RBFOX1: variants seen among roughly 807,000 people sequenced by gnomAD.
RBFOX1 encodes RNA binding protein fox-1 homolog 1.
RBFOX1 carries 8 observed loss-of-function variants against 57.7 expected under a neutral mutation model. The observed-to-expected ratio is 0.14, with a 90% CI of 0.08 to 0.25. The LOEUF is 0.25. Among genes scored for constraint, RBFOX1 ranks in the 10% least tolerant of loss-of-function variants. RBFOX1 has a pLI of 1.00. For missense variants in RBFOX1, 611 were observed against 548.5 expected (o/e 1.11, Z -1.14); for synonymous variants, 326 against 222.4 (o/e 1.47, Z -4.15).
At chr16:6,680,749 C>T (rs1428469837) in intron 3 of RBFOX1, among the ~76,000 whole-genome samples, 1 of 152,068 alleles carries the variant, frequency 6.6e-6, no homozygotes, top group Non-Finnish European at 1.5e-5. Flanking sequence ...TGTGTTTTAT[C>T]TTTGTAAGGC....
intron 4 of RBFOX1, among the ~76,000 whole-genome samples, chr16:7,446,504 G>A (rs1219172429): frequency 6.6e-6 from 1 of 152,118 alleles, no homozygotes; most frequent in Admixed American, 6.5e-5. Flanking sequence ...TAATGAGGTT[G>A]GAAGAAGCAA....
intron 5 of RBFOX1, among the ~76,000 whole-genome samples, chr16:7,526,117 T>C (rs1344882973): frequency 6.6e-6 from 1 of 152,200 alleles, no homozygotes; most frequent in East Asian, 1.9e-4. Flanking sequence ...TATTGTGAAC[T>C]GTACATGCGA....
chr16:7,519,077 A>G (rs2076991497), intron 5 of RBFOX1, among the ~76,000 whole-genome samples: 1 of 152,236 alleles, frequency 6.6e-6, no homozygotes. Flanking sequence ...CCTTAAAATT[A>G]GTATATTTTT....
chr16:7,498,426 A>G (rs1254926524), intron 4 of RBFOX1, among the ~76,000 whole-genome samples: 2 of 149,294 alleles, frequency 1.3e-5, no homozygotes, highest in African/African-American at 2.5e-5. Context: ...ATGGTCACAA[A>G]TATGAATCAC....
chr16:6,632,191 A>G (rs539388871), intron 2 of RBFOX1, among the ~76,000 whole-genome samples: 6 of 152,246 alleles, frequency 3.9e-5, no homozygotes, highest in African/African-American at 9.6e-5. Flanking sequence ...ACTTAACTGC[A>G]TCGGGTTTCT....
At chr16:5,753,753 C>T (rs772675115) in intron 3 of RBFOX1, among the ~76,000 whole-genome samples, 1 of 152,162 alleles carries the variant, frequency 6.6e-6, no homozygotes, top group Non-Finnish European at 1.5e-5. Context: ...CACAGCACTG[C>T]TCTCCCTTGT....
intron 3 of RBFOX1, among the ~76,000 whole-genome samples, chr16:5,730,057 A>G (rs1567458931): frequency 6.6e-6 from 1 of 152,168 alleles, no homozygotes; most frequent in Non-Finnish European, 1.5e-5. Context: ...TGAGTATCAC[A>G]CAGTGCATCT....
chr16:7,140,449 G>A (rs1340981608), intron 4 of RBFOX1, among the ~76,000 whole-genome samples: 3 of 151,836 alleles, frequency 2.0e-5, no homozygotes, highest in African/African-American at 7.3e-5. Flanking sequence ...TCCCAAATAT[G>A]TAGTTTTGTA....
At chr16:6,589,338 G>A (rs114098255) in intron 2 of RBFOX1, among the ~76,000 whole-genome samples, 2,854 of 152,292 alleles carry the variant, frequency 0.019, 73 homozygotes, top group African/African-American at 0.055. Flanking sequence ...GGAGACCAGC[G>A]TGTTGTTATT....
intron 4 of RBFOX1, among the ~76,000 whole-genome samples, chr16:7,215,018 C>G (rs777262510): frequency 6.6e-5 from 10 of 152,180 alleles, no homozygotes; most frequent in Non-Finnish European, 1.0e-4. Flanking sequence ...TTAAGCCCCA[C>G]ATGCATTAGC....
chr16:7,398,059 C>T (rs191490222), intron 4 of RBFOX1, among the ~76,000 whole-genome samples: 59 of 152,102 alleles, frequency 3.9e-4, no homozygotes, highest in Middle Eastern at 3.4e-3. Context: ...GATTTAACCT[C>T]CCCCAGTTGC....
chr16:6,834,371 C>G (rs937956007), intron 3 of RBFOX1, among the ~76,000 whole-genome samples: 1 of 152,140 alleles, frequency 6.6e-6, no homozygotes, highest in Non-Finnish European at 1.5e-5. Flanking sequence ...GGCACCACGC[C>G]TGGCCCTGAT....
At position 6,060,122 on chromosome 16, in the gene RBFOX1, G is replaced by GTTTTTTTTTTTTTTTTTTTTTTTTTT. The variant is rs199690584; in HGVS notation, c.-127+40141_-127+40166dup. ...ATTTGGCCCTAAAATTAGGATTAGG[G>GTTTTTTTTTTTTTTTTTTTTTTTTTT]TTTTTTTTTTTTTTTTTTTTTTTTT... On this transcript the variant is annotated intron_variant, in intron 1 of 15. Coordinates refer to ENST00000550418, the MANE Select transcript of RBFOX1 (RefSeq NM_018723.4). 2.0e-4 allele frequency among the ~76,000 whole-genome samples: 23 copies of GTTTTTTTTTTTTTTTTTTTTTTTTTT among 114,180 alleles called. 3 individuals carry two copies. Among genetic ancestry groups the GTTTTTTTTTTTTTTTTTTTTTTTTTT allele is most frequent in the Admixed American group, 2.8e-4 (3 of 10,684 alleles). 74.9% of individuals were successfully genotyped at this position (114,180 alleles called of 152,430 possible).
intron 4 of RBFOX1, among the ~76,000 whole-genome samples, chr16:7,213,592 C>A (rs2091535269): frequency 6.6e-6 from 1 of 151,984 alleles, no homozygotes; most frequent in Admixed American, 6.6e-5. Context: ...GGAAATCATT[C>A]CCTTGGAGTA....
intron 4 of RBFOX1, among the ~76,000 whole-genome samples, chr16:7,516,283 A>T (rs2076334782): frequency 6.6e-6 from 1 of 152,080 alleles, no homozygotes; most frequent in Non-Finnish European, 1.5e-5. Flanking sequence ...GGCTTAACGC[A>T]CTAACGGACT....
intron 2 of RBFOX1, among the ~76,000 whole-genome samples, chr16:6,470,757 C>A (rs981109635): frequency 1.3e-5 from 2 of 152,142 alleles, no homozygotes; most frequent in African/African-American, 4.8e-5. Context: ...TAGGAGTTGG[C>A]CTTGACTTTT....
intron 10 of RBFOX1, among the ~76,000 whole-genome samples, chr16:7,616,099 T>A (rs2058395237): frequency 6.6e-6 from 1 of 152,370 alleles, no homozygotes; most frequent in East Asian, 1.9e-4. Context: ...ACCACACAGC[T>A]GTGTTGGGAG....
chr16:6,398,159 A>G (rs1309136435), intron 2 of RBFOX1, among the ~76,000 whole-genome samples: 1 of 152,140 alleles, frequency 6.6e-6, no homozygotes, highest in African/African-American at 2.4e-5. Context: ...ATCAGATCTC[A>G]TGAGAACTCA....
intron 1 of RBFOX1, among the ~76,000 whole-genome samples, chr16:5,333,707 C>T (rs2064821567): frequency 6.6e-6 from 1 of 152,174 alleles, no homozygotes; most frequent in African/African-American, 2.4e-5. Flanking sequence ...CTTATACAAA[C>T]CTAGATGGTA....
Sources: gnomAD v4.1 joint callset for allele counts (sites outside exome capture counted in the v4.1 genomes callset) on GRCh38, gnomAD v4.1.1 for gene constraint, MANE v1.5 for transcripts, NCBI Gene and HGNC (gene_info 2026-07-23, HGNC 2026-07-21) for gene names.